Variants in CMSS1 observed in about 807,000 individuals in gnomAD.
The protein encoded by CMSS1 is protein CMSS1.
A neutral mutation model predicts 43.5 loss-of-function variants in CMSS1; 33 were observed. That is an observed-to-expected ratio of 0.76 (90% CI 0.57 to 1.01). The LOEUF (loss-of-function observed/expected upper bound fraction) is 1.01. Among genes scored for constraint, CMSS1 ranks in the 50% least tolerant of loss-of-function variants. CMSS1 has a pLI of 0.00. For synonymous variants in CMSS1, 115 were observed against 117.2 expected (o/e 0.98, Z 0.12); for missense variants, 313 against 326.4 (o/e 0.96, Z 0.32).
At chr3:99,935,256 T>C in intron 1 of CMSS1, among the ~76,000 whole-genome samples, 1 of 87,966 alleles carries the variant, frequency 1.1e-5, no homozygotes, top group Non-Finnish European at 2.2e-5. Flanking sequence ...TTTGGGATTT[T>C]CAGGGTACCA....
chr3:100,147,134 C>A lies in CMSS1; in HGVS notation c.153+73C>A. On this transcript the variant is annotated intron_variant, in intron 2 of 9. Transcript: ENST00000421999. ...GCCTTTTCCTCCTCTCTATTGAACT[C>A]CCCATGTCCTAATATCGGTTGTTGG... 2.0e-6 allele frequency: 3 copies of A among 1,511,722 alleles called. No homozygotes were observed. The South Asian group carries it at 3.8e-5, about 19-fold the overall frequency. The allele number at this position is 1,511,722 out of a possible 1,614,324, so 93.6% of individuals were successfully genotyped here.
At chr3:100,172,197 C>A (rs1047700001) in intron 7 of CMSS1, 119 bp from the exon 8 acceptor site, 6 of 879,742 alleles carry the variant, frequency 6.8e-6, no homozygotes, top group Non-Finnish European at 1.1e-5. Context: ...CGACCCTACA[C>A]AAGGGTAGCT....
intron 1 of CMSS1, chr3:100,115,113 C>G: frequency 1.4e-6 from 1 of 701,194 alleles, no homozygotes; most frequent in South Asian, 1.6e-5. Context: ...AGTAGGATCA[C>G]TTGTTCAGAT....
intron 1 of CMSS1, among the ~76,000 whole-genome samples, chr3:99,947,873 C>T (rs980929742): frequency 1.3e-5 from 2 of 151,868 alleles, no homozygotes; most frequent in Non-Finnish European, 2.9e-5. Flanking sequence ...AACAATAGGA[C>T]ATTTATTTGC....
At chr3:100,071,628 C>T (rs1406987659) in intron 1 of CMSS1, among the ~76,000 whole-genome samples, 1 of 152,198 alleles carries the variant, frequency 6.6e-6, no homozygotes, top group Admixed American at 6.5e-5. Flanking sequence ...TGGAAGTCAA[C>T]TTCTGGACAC....
rs201567798 is a variant in CMSS1, at chr3:99,958,597, GACA to G, written c.64+140558_64+140560del. Among the ~76,000 whole-genome samples, 1,077 of 152,308 alleles carry G rather than the reference GACA, an allele frequency of 7.1e-3. 8 individuals carry two copies. Among genetic ancestry groups the G allele is most frequent in the Non-Finnish European group, 0.011 (758 of 68,030 alleles). On this transcript the variant is annotated intron_variant, in intron 1 of 9. Coordinates refer to ENST00000421999, the MANE Select transcript of CMSS1 (RefSeq NM_032359.4). ...CATGGGTCTACGGTTAGTAGAATTA[GACA>G]ACATTTCAGAATACACTTCCAGTGA... is the stretch of plus-strand genomic sequence containing the variant.
intron 1 of CMSS1, among the ~76,000 whole-genome samples, chr3:100,019,054 A>G (rs1342288099): frequency 1.3e-5 from 2 of 152,218 alleles, no homozygotes; most frequent in East Asian, 3.8e-4. Context: ...AGTGTTGGCA[A>G]AGTGTGAGGA....
chr3:100,091,993 G>C (rs1378059322), intron 1 of CMSS1, among the ~76,000 whole-genome samples: 1 of 152,212 alleles, frequency 6.6e-6, no homozygotes, highest in Non-Finnish European at 1.5e-5. Flanking sequence ...AGGGCAAGTT[G>C]CTTGATCTCT....
At chr3:99,874,488 T>C (rs1705403736) in intron 1 of CMSS1, 1 of 152,254 alleles carries the variant, frequency 6.6e-6, no homozygotes, top group African/African-American at 2.4e-5. Context: ...TGGGCTTCCC[T>C]AGGTTTGAAA....
intron 1 of CMSS1, among the ~76,000 whole-genome samples, chr3:99,865,233 G>A (rs1183701220): frequency 1.3e-5 from 2 of 152,152 alleles, no homozygotes; most frequent in African/African-American, 4.8e-5. Context: ...TAAGAACTGA[G>A]GCTCAAAAAA....
chr3:100,100,134 G>A (rs182319527), intron 1 of CMSS1, among the ~76,000 whole-genome samples: 157 of 152,282 alleles, frequency 1.0e-3, no homozygotes, highest in Non-Finnish European at 1.7e-3. Context: ...GAATGGCCTG[G>A]AAGTGGCATG....
At chr3:100,161,420 T>G (rs1159740660) in intron 3 of CMSS1, among the ~76,000 whole-genome samples, 1 of 152,150 alleles carries the variant, frequency 6.6e-6, no homozygotes, top group Non-Finnish European at 1.5e-5. Flanking sequence ...AGGTCAAAAC[T>G]CTAGCTAGAT....
intron 1 of CMSS1, among the ~76,000 whole-genome samples, chr3:100,129,675 T>G (rs1023929258): frequency 2.0e-5 from 3 of 152,216 alleles, no homozygotes; most frequent in Non-Finnish European, 4.4e-5. Context: ...CCCAGAGTCT[T>G]TAATATATTT....
intron 1 of CMSS1, among the ~76,000 whole-genome samples, chr3:99,905,063 G>T (rs1706568676): frequency 6.6e-6 from 1 of 152,144 alleles, no homozygotes; most frequent in South Asian, 2.1e-4. Flanking sequence ...TAACATAGTT[G>T]ACTGCCTGGT....
intron 1 of CMSS1, among the ~76,000 whole-genome samples, chr3:100,106,936 G>A (rs2066406184): frequency 1.3e-5 from 2 of 152,110 alleles, no homozygotes; most frequent in African/African-American, 2.4e-5. Context: ...ATATTTTCTG[G>A]TCAGTAGATG....
At chr3:100,056,701 T>TAAA (rs71299385) in intron 1 of CMSS1, among the ~76,000 whole-genome samples, 11 of 145,474 alleles carry the variant, frequency 7.6e-5, no homozygotes, top group Admixed American at 7.5e-4. Flanking sequence ...TCTAGACCAT[T>TAAA]AAAAAAAAAA....
intron 1 of CMSS1, among the ~76,000 whole-genome samples, chr3:99,979,353 G>A (rs1007289991): frequency 1.3e-5 from 2 of 151,962 alleles, no homozygotes; most frequent in Admixed American, 6.6e-5. Context: ...CTGTATATAC[G>A]GCTCAGAGTT....
At chr3:100,060,294 G>A (rs997045996) in intron 1 of CMSS1, among the ~76,000 whole-genome samples, 1 of 152,024 alleles carries the variant, frequency 6.6e-6, no homozygotes, top group African/African-American at 2.4e-5. Context: ...AAACCATGAG[G>A]AGACTCTTGC....
intron 1 of CMSS1, among the ~76,000 whole-genome samples, chr3:99,838,552 C>A (rs1942991413): frequency 6.6e-6 from 1 of 152,152 alleles, no homozygotes; most frequent in Non-Finnish European, 1.5e-5. Context: ...AGGTGGAGCA[C>A]AAGGAGGTAA....
Sources: gnomAD v4.1 joint callset for allele counts (sites outside exome capture counted in the v4.1 genomes callset) on GRCh38, gnomAD v4.1.1 for gene constraint, MANE v1.5 for transcripts, NCBI Gene and HGNC (gene_info 2026-07-23, HGNC 2026-07-21) for gene names.